Variants in CNTLN observed in about 807,000 individuals in gnomAD.
CNTLN encodes centlein.
In CNTLN, 212 loss-of-function variants were observed where a neutral mutation model predicts 180.0. The observed-to-expected ratio is 1.18, with a 90% CI of 1.05 to 1.32. CNTLN has a LOEUF of 1.32. Among genes scored for constraint, CNTLN ranks in the 40% most tolerant of loss-of-function variants. The pLI is 0.00. For synonymous variants in CNTLN, 722 were observed against 563.1 expected, an observed-to-expected ratio of 1.28 and a Z score of -3.99; for missense variants, 2,095 against 1,610.9, an observed-to-expected ratio of 1.30 and a Z score of -5.14.
intron 5 of CNTLN, among the ~76,000 whole-genome samples, chr9:17,237,168 TC>T (rs1313689951): frequency 3.9e-5 from 6 of 152,202 alleles, no homozygotes; most frequent in African/African-American, 1.4e-4. Flanking sequence ...GGCAGTGGTT[TC>T]TTACAATTTT....
intron 18 of CNTLN, among the ~76,000 whole-genome samples, chr9:17,449,142 A>G (rs1411911610): frequency 1.3e-5 from 2 of 152,170 alleles, no homozygotes; most frequent in African/African-American, 4.8e-5. Flanking sequence ...GGTAGTGAGG[A>G]TGATGAATTA....
intron 8 of CNTLN, among the ~76,000 whole-genome samples, chr9:17,311,635 C>A (rs1819142395): frequency 6.6e-6 from 1 of 151,610 alleles, no homozygotes; most frequent in African/African-American, 2.4e-5. Context: ...TGGTGAAAGC[C>A]CTTCCTCTAC....
chr9:17,466,186 T>C, intron 22 of CNTLN, 68 bp downstream of exon 22: 17 of 1,427,724 alleles, frequency 1.2e-5, no homozygotes, highest in Admixed American at 3.9e-5. Flanking sequence ...ATTTTTAACA[T>C]TGTTGCTTTT....
At chr9:17,290,652 A>G (rs533631758) in intron 6 of CNTLN, among the ~76,000 whole-genome samples, 6 of 149,174 alleles carry the variant, frequency 4.0e-5, no homozygotes, top group African/African-American at 1.2e-4. Flanking sequence ...TGTGCTAGCA[A>G]TCAGCGAGAC....
chr9:17,207,114 G>A (rs911884489), intron 2 of CNTLN, among the ~76,000 whole-genome samples: 1 of 152,158 alleles, frequency 6.6e-6, no homozygotes, highest in Non-Finnish European at 1.5e-5. Flanking sequence ...CCAGTCTGAT[G>A]GTGAATCCTC....
At chr9:17,494,844 C>G (rs912503422) in intron 25 of CNTLN, 3 of 389,830 alleles carry the variant, frequency 7.7e-6, no homozygotes, top group Non-Finnish European at 1.5e-5. Flanking sequence ...TAATAAATGT[C>G]TGTTACTAGT....
rs774440037 is a variant in CNTLN at position 17,465,943 on chromosome 9, CT to C, written c.3532-36del. The C allele has an allele frequency of 1.8e-5, 27 of 1,542,438 alleles. No homozygotes were observed. In the Admixed American group the frequency reaches 2.4e-4, roughly 14 times the overall value. ...CAAACACAGTATATTACTAGAATGC[CT>C]TCAACAATAATAATTACCTTTATGC... On this transcript the variant is annotated intron_variant, in intron 21 of 25. Transcript: ENST00000380647.
intron 2 of CNTLN, among the ~76,000 whole-genome samples, chr9:17,194,873 G>A (rs777864915): frequency 1.1e-4 from 16 of 152,148 alleles, no homozygotes; most frequent in South Asian, 6.2e-4. Flanking sequence ...ATCGTGACAG[G>A]AGGCAAAAAG....
intron 3 of CNTLN, among the ~76,000 whole-genome samples, chr9:17,229,330 A>G (rs1037643877): frequency 2.0e-5 from 3 of 152,138 alleles, no homozygotes; most frequent in Non-Finnish European, 2.9e-5. Context: ...CAGGGATGGC[A>G]TATGAAATTT....
chr9:17,295,955 T>C (rs989618886), intron 6 of CNTLN, among the ~76,000 whole-genome samples: 25 of 150,346 alleles, frequency 1.7e-4, no homozygotes, highest in Non-Finnish European at 2.8e-4. Flanking sequence ...TATGAGCATC[T>C]CCCTACTCTT....
At chr9:17,336,156 A>G (rs1425679921) in intron 10 of CNTLN, among the ~76,000 whole-genome samples, 1 of 152,138 alleles carries the variant, frequency 6.6e-6, no homozygotes, top group Non-Finnish European at 1.5e-5. Flanking sequence ...TTTGGTGGTA[A>G]TAGTTCCCAA....
At chr9:17,260,841 C>G (rs555621312) in intron 5 of CNTLN, among the ~76,000 whole-genome samples, 3 of 151,068 alleles carry the variant, frequency 2.0e-5, no homozygotes, top group African/African-American at 4.9e-5. Flanking sequence ...AGTCTTTAAT[C>G]CATCTTGAGT....
intron 8 of CNTLN, among the ~76,000 whole-genome samples, chr9:17,312,071 T>C (rs1214781578): frequency 6.6e-6 from 1 of 152,040 alleles, no homozygotes; most frequent in Non-Finnish European, 1.5e-5. Context: ...ATGAGGGTAA[T>C]GTAAGTTACT....
chr9:17,361,107 A>G (rs893745641), intron 12 of CNTLN, among the ~76,000 whole-genome samples: 2 of 152,096 alleles, frequency 1.3e-5, no homozygotes, highest in Admixed American at 1.3e-4. Context: ...CATGTGCACA[A>G]CGTGCAGGTT....
chr9:17,493,767 G>T (rs902760182), intron 25 of CNTLN, among the ~76,000 whole-genome samples: 1 of 152,206 alleles, frequency 6.6e-6, no homozygotes, highest in Admixed American at 6.5e-5. Context: ...CAGAGCATGA[G>T]CTCTGCCTTG....
chr9:17,356,097 T>G (rs1354669607), intron 12 of CNTLN, among the ~76,000 whole-genome samples: 2 of 149,200 alleles, frequency 1.3e-5, no homozygotes, highest in African/African-American at 4.9e-5. Flanking sequence ...AGGAAATCAG[T>G]CCAACAGGAA....
In CNTLN at chr9:17,394,983, C is replaced by G; in HGVS notation, c.2529C>G (p.His843Gln). Residue 843 changes from histidine (H) to glutamine (Q), a missense_variant, in exon 15 of 26, where the codon CAC becomes CAG. Physicochemically the swap from His to Gln is conservative, Grantham distance 24. Transcript: ENST00000380647. Reference sequence around the variant, plus strand: ...AAAATTGCTCTGTGGGTCGTCACCACACTGTTCTCAATCATTCCATCAAGG... The same window carrying G: ...AAAATTGCTCTGTGGGTCGTCACCAGACTGTTCTCAATCATTCCATCAAGG... ...AKKNCSVGRH[H>Q]TVLNHSIKVM... is the part of the protein sequence containing the mutation. The G allele has an allele frequency of 1.2e-6, 2 of 1,613,736 alleles. No individual in the cohort carries two copies. Among genetic ancestry groups the G allele is most frequent in the Non-Finnish European group, 1.7e-6 (2 of 1,179,726 alleles).
chr9:17,228,948 G>C (rs914503708), intron 3 of CNTLN, among the ~76,000 whole-genome samples: 3 of 152,066 alleles, frequency 2.0e-5, no homozygotes, highest in African/African-American at 7.2e-5. Flanking sequence ...TTGAGATGCT[G>C]ATAGGAATTC....
In CNTLN at chr9:17,226,278, AT is replaced by A; in HGVS notation, c.528del (p.Phe176LeufsTer8). On this transcript the variant is annotated frameshift_variant, in exon 3 of 26. Transcript: ENST00000380647. LOFTEE classifies it high-confidence loss of function. Reference sequence around the variant, plus strand: ...AAGTCAAGGATGCCAAAATACAAGAATTTGAACAGGTTGGTGTTATAATAAA... The same window carrying A: ...AAGTCAAGGATGCCAAAATACAAGAATTGAACAGGTTGGTGTTATAATAAA... ...LQVKDAKIQEFEQRESVLKQE... is the reference protein window; with the variant it reads ...LQVKDAKIQEXEQRESVLKQE... 2 of 1,556,602 alleles carry A rather than the reference AT, an allele frequency of 1.3e-6. No homozygotes were observed. Among genetic ancestry groups the A allele is most frequent in the Non-Finnish European group, 1.7e-6 (2 of 1,146,134 alleles).
Sources: allele counts gnomAD v4.1 joint callset (sites outside exome capture counted in the v4.1 genomes callset), GRCh38; gene constraint gnomAD v4.1.1; transcripts MANE v1.5; gene names NCBI Gene and HGNC (gene_info 2026-07-23, HGNC 2026-07-21).